The following PCBD2 variants were observed in gnomAD, a reference collection of about 807,000 sequenced individuals.
PCBD2 encodes the protein pterin-4 alpha-carbinolamine dehydratase 2.
A neutral mutation model predicts 16.4 loss-of-function variants in PCBD2; 12 were observed. The ratio of observed to expected loss-of-function variants is 0.73; its 90% CI spans 0.47 to 1.19. PCBD2 has a LOEUF of 1.19. PCBD2 is among the 50% of genes most tolerant of loss of function. The pLI is 0.00. For synonymous variants in PCBD2, 58 were observed against 61.8 expected (o/e 0.94, Z 0.29); for missense variants, 138 against 156.8 (o/e 0.88, Z 0.64).
rs907998036 is a variant in PCBD2 at position 134,951,289 on chromosome 5, A to G, written c.217-7751A>G. The stretch of plus-strand genomic sequence containing the variant: ...TATGCTTCATGAACTATTGTTATGC[A>G]TATATTTTTTTTCATTTAGTAATGT... On this transcript the variant is annotated intron_variant, in intron 2 of 3. Coordinates refer to ENST00000254908, the MANE Select transcript of PCBD2 (RefSeq NM_032151.5). Among the ~76,000 whole-genome samples, 4 of 152,092 alleles carry G rather than the reference A, an allele frequency of 2.6e-5. No individual in the cohort carries two copies. In the South Asian group the frequency reaches 8.3e-4, roughly 32 times the overall value.
intron 2 of PCBD2, among the ~76,000 whole-genome samples, chr5:134,945,036 C>G (rs1271758381): frequency 5.3e-5 from 8 of 152,178 alleles, no homozygotes; most frequent in Admixed American, 2.6e-4. Context: ...TTTGGCAAGG[C>G]TATTGAAGCC....
At chr5:134,908,819 C>G (rs1035920677) in intron 1 of PCBD2, 5 of 152,096 alleles carry the variant, frequency 3.3e-5, no homozygotes, top group Non-Finnish European at 5.9e-5. Flanking sequence ...TTTTTCCTCT[C>G]TTAATATTAG....
intron 2 of PCBD2, among the ~76,000 whole-genome samples, chr5:134,912,222 C>A (rs1398418425): frequency 6.6e-6 from 1 of 152,166 alleles, no homozygotes; most frequent in Non-Finnish European, 1.5e-5. Flanking sequence ...CAGCTGATGT[C>A]AGGGAATGTA....
At chr5:134,958,972 C>T in intron 2 of PCBD2, 68 bp from the exon 3 acceptor site, 1 of 1,255,620 alleles carries the variant, frequency 8.0e-7, no homozygotes, top group Non-Finnish European at 1.2e-6. Flanking sequence ...TTGGATTGCT[C>T]TGTTGTGTCT....
chr5:134,940,547 T>C (rs1163981669), intron 2 of PCBD2, among the ~76,000 whole-genome samples: 1 of 152,154 alleles, frequency 6.6e-6, no homozygotes, highest in African/African-American at 2.4e-5. Flanking sequence ...CACTGGGTGC[T>C]TGAGGTAAGA....
intron 2 of PCBD2, among the ~76,000 whole-genome samples, chr5:134,947,297 T>C: frequency 6.6e-6 from 1 of 152,008 alleles, no homozygotes; most frequent in Non-Finnish European, 1.5e-5. Flanking sequence ...TACTCCATGT[T>C]GGTCAGGCTG....
chr5:134,950,474 T>A (rs979233604), intron 2 of PCBD2, among the ~76,000 whole-genome samples: 2 of 152,352 alleles, frequency 1.3e-5, no homozygotes, highest in South Asian at 4.1e-4. Flanking sequence ...CAGGGTGCTG[T>A]TAAACATTTC....
At chr5:134,906,512 A>G (rs1434052347) in intron 1 of PCBD2, among the ~76,000 whole-genome samples, 1 of 152,156 alleles carries the variant, frequency 6.6e-6, no homozygotes, top group Non-Finnish European at 1.5e-5. Flanking sequence ...ACGGAGGAAG[A>G]TAGGCACTCC....
At chr5:134,955,390 C>T (rs1434070062) in intron 2 of PCBD2, among the ~76,000 whole-genome samples, 2 of 151,208 alleles carry the variant, frequency 1.3e-5, no homozygotes, top group Non-Finnish European at 2.9e-5. Flanking sequence ...TCACTGCAAC[C>T]TCTGCCTCCT....
At chr5:134,942,302 G>A (rs1751239664) in intron 2 of PCBD2, among the ~76,000 whole-genome samples, 1 of 152,076 alleles carries the variant, frequency 6.6e-6, no homozygotes, top group African/African-American at 2.4e-5. Flanking sequence ...TTGCATCCCA[G>A]CCTCACTTTT....
intron 2 of PCBD2, among the ~76,000 whole-genome samples, chr5:134,911,403 A>G (rs1750766765): frequency 6.6e-6 from 1 of 152,202 alleles, no homozygotes; most frequent in Non-Finnish European, 1.5e-5. Context: ...CTTAACCTTC[A>G]GTTATTACAC....
At chr5:134,905,342 A>C (rs1750671803) in intron 1 of PCBD2, 119 bp downstream of exon 1, 7 of 917,862 alleles carry the variant, frequency 7.6e-6, no homozygotes, top group African/African-American at 1.7e-5. Context: ...CGAGCCTTGG[A>C]GCTCGGGCGT....
chr5:134,962,205 C>A lies in PCBD2; in HGVS notation c.*1524C>A, dbSNP rs768575440. Among the ~76,000 whole-genome samples, 17 of 152,060 alleles carry A rather than the reference C, an allele frequency of 1.1e-4. No homozygotes were observed. Among genetic ancestry groups the A allele is most frequent in the Non-Finnish European group, 2.2e-4 (15 of 68,014 alleles). On this transcript the variant is annotated 3_prime_UTR_variant, in exon 4 of 4. Transcript: ENST00000254908. ...TTCTCAGGCTCAAGTGATCCTCTCA[C>A]CTCAGCCTCCTGAGTAGCAGCGGTT...
intron 2 of PCBD2, chr5:134,923,513 A>G: frequency 3.5e-6 from 1 of 281,928 alleles, no homozygotes; most frequent in Non-Finnish European, 6.6e-6. Flanking sequence ...AGTGAAAGGT[A>G]AAGAACCGTG....
intron 2 of PCBD2, among the ~76,000 whole-genome samples, chr5:134,947,840 A>T (rs1751315255): frequency 6.6e-6 from 1 of 152,082 alleles, no homozygotes. Context: ...AAGGAGCTTA[A>T]ATACAATTTT....
At chr5:134,913,928 A>T (rs1388294620) in intron 2 of PCBD2, among the ~76,000 whole-genome samples, 2 of 152,082 alleles carry the variant, frequency 1.3e-5, no homozygotes, top group South Asian at 2.1e-4. Flanking sequence ...GCTGTGGAAG[A>T]TGGGGTGCAA....
At chr5:134,943,487 C>G (rs1751256798) in intron 2 of PCBD2, among the ~76,000 whole-genome samples, 2 of 152,338 alleles carry the variant, frequency 1.3e-5, no homozygotes, top group African/African-American at 4.8e-5. Context: ...TTACTTTAAA[C>G]TTTTACAAAT....
chr5:134,927,121 G>T, intron 2 of PCBD2: 1 of 398,574 alleles, frequency 2.5e-6, no homozygotes, highest in Non-Finnish European at 4.4e-6. Context: ...AAGCTTCAGG[G>T]GGTTTGGATG....
chr5:134,941,762 G>C (rs569382627), intron 2 of PCBD2, among the ~76,000 whole-genome samples: 1 of 152,020 alleles, frequency 6.6e-6, no homozygotes, highest in Non-Finnish European at 1.5e-5. Flanking sequence ...AAAAAACTAC[G>C]TAATAATTTT....
Sources: gnomAD v4.1 joint callset for allele counts (sites outside exome capture counted in the v4.1 genomes callset) on GRCh38, gnomAD v4.1.1 for gene constraint, MANE v1.5 for transcripts, NCBI Gene and HGNC (gene_info 2026-07-23, HGNC 2026-07-21) for gene names.